Variants in SPAG5 observed in about 807,000 individuals in gnomAD.
The protein encoded by SPAG5 is sperm-associated antigen 5.
Under a neutral mutation model 145.4 loss-of-function variants are expected in SPAG5, and 99 were observed. That is an observed-to-expected ratio of 0.68 (90% confidence interval 0.58 to 0.80). The LOEUF (loss-of-function observed/expected upper bound fraction) is 0.80, where lower values mean the gene tolerates loss of function less well. Among genes scored for constraint, SPAG5 ranks in the 30% least tolerant of loss-of-function variants. The pLI is 0.00. For synonymous variants in SPAG5, 477 were observed against 525.4 expected (o/e 0.91, Z 1.26); for missense variants, 1,192 against 1,416.0 (o/e 0.84, Z 2.54).
At chr17:28,595,621 C>T (rs533913415) in intron 2 of SPAG5, among the ~76,000 whole-genome samples, 9 of 151,502 alleles carry the variant, frequency 5.9e-5, no homozygotes, top group East Asian at 2.0e-4. Flanking sequence ...TGGTGGCACG[C>T]GCCTGTAATC....
At position 28,585,328 on chromosome 17, in the gene SPAG5, C is replaced by T; in HGVS notation, c.1944G>A (p.Met648Ile). Residue 648 changes from methionine (M) to isoleucine (I), a missense_variant, in exon 9 of 24, where the codon ATG becomes ATA. Transcript: ENST00000321765. ...TSTLQQDWRS[M>I]QLDYTTWTAL... ...GGTCCCAAATACTCACATCCAGTTG[C>T]ATGGACCTCCAGTCTTGTTGCAAGG... is the stretch of plus-strand genomic sequence containing the variant. 6.2e-7 allele frequency: 1 copy of T among 1,614,088 alleles called. No individual in the cohort carries two copies. Among genetic ancestry groups the T allele is most frequent in the South Asian group, 1.1e-5 (1 of 91,084 alleles).
intron 4 of SPAG5, among the ~76,000 whole-genome samples, chr17:28,589,719 G>A (rs1157246339): frequency 6.6e-6 from 1 of 152,056 alleles, no homozygotes; most frequent in Non-Finnish European, 1.5e-5. Context: ...AGAACAGCCT[G>A]GCCAACATAG....
chr17:28,594,324 A>C (rs868787546), intron 2 of SPAG5, among the ~76,000 whole-genome samples: 3 of 152,236 alleles, frequency 2.0e-5, no homozygotes, highest in South Asian at 2.1e-4. Context: ...GACCGGGCGC[A>C]GTGGCTCACG....
intron 2 of SPAG5, among the ~76,000 whole-genome samples, chr17:28,595,129 G>A (rs2070653229): frequency 1.3e-5 from 2 of 151,262 alleles, no homozygotes; most frequent in African/African-American, 4.9e-5. Flanking sequence ...ATGGTGGCGG[G>A]TGCCTGTAGT....
rs1287567584 is a variant in SPAG5, at chr17:28,598,530, G to C, written c.157C>G (p.Leu53Val). The change falls in exon 2 of 24, where the codon CTG (leucine) becomes GTG (valine). Residue 53 changes from leucine (L) to valine (V), a missense_variant. Coordinates refer to ENST00000321765, the MANE Select transcript of SPAG5 (RefSeq NM_006461.4). ...SPACSSLTPS[L>V]CKLGLQEGSN... ...CTCACCTGCAGCCCCAGCTTGCACA[G>C]TGATGGGGTCAGCGAGGAGCAAGCG... The C allele has an allele frequency of 6.2e-7, 1 of 1,613,910 alleles. No homozygotes were observed. Among genetic ancestry groups the C allele is most frequent in the South Asian group, 1.1e-5 (1 of 91,054 alleles).
At position 28,584,323 on chromosome 17, in the gene SPAG5, A is replaced by G; in HGVS notation, c.2309+10T>C. 1 of 1,614,136 alleles carries G rather than the reference A, an allele frequency of 6.2e-7. No individual in the cohort carries two copies. Among genetic ancestry groups the G allele is most frequent in the Non-Finnish European group, 8.5e-7 (1 of 1,180,038 alleles). On this transcript the variant is annotated intron_variant, in intron 12 of 23. Coordinates refer to ENST00000321765, the MANE Select transcript of SPAG5 (RefSeq NM_006461.4). The stretch of plus-strand genomic sequence containing the variant: ...ATGCCTACTGCCACAGTACCCCGTT[A>G]GGAACTCACTGAGCAGCCTGCTCCT...
rs370864353 is a variant in SPAG5 at position 28,592,389 on chromosome 17, A to C, written c.855T>G (p.His285Gln). 9 of 1,613,918 alleles carry C rather than the reference A, an allele frequency of 5.6e-6. No homozygotes were observed. Among genetic ancestry groups the C allele is most frequent in the Non-Finnish European group, 7.6e-6 (9 of 1,180,016 alleles). Residue 285 changes from histidine to glutamine, a missense_variant, in exon 3 of 24, where the codon CAT (histidine) becomes CAG (glutamine). Physicochemically the swap from His to Gln is conservative, Grantham distance 24 (BLOSUM62 0). This residue lies in a region of SPAG5 where 329 missense variants were observed against 354.0 expected (regional missense o/e 0.93). Transcript: ENST00000321765. Reference protein sequence around the residue: ...MEEREMRFPTHPKESETEDQA... With the variant: ...MEEREMRFPTQPKESETEDQA... ...GATCTTCTGTTTCAGACTCCTTAGG[A>C]TGTGTGGGAAACCTCATTTCTCTTT...
Position 28,577,664 on chromosome 17 carries a change from A to G in SPAG5, c.*35T>C. Reference sequence around the variant, plus strand: ...ATTGGGGTAAGGGGGTATTGCAGGTAAAAAGAGGTGAAGCAGATTCTGGCT... The same window carrying G: ...ATTGGGGTAAGGGGGTATTGCAGGTGAAAAGAGGTGAAGCAGATTCTGGCT... On this transcript the variant is annotated 3_prime_UTR_variant, in exon 24 of 24. Transcript: ENST00000321765. The G allele has an allele frequency of 6.5e-7, 1 of 1,532,770 alleles. No homozygotes were observed. Among genetic ancestry groups the G allele is most frequent in the Non-Finnish European group, 9.0e-7 (1 of 1,106,110 alleles). The allele number at this position is 1,532,770 out of a possible 1,614,324, so 94.9% of individuals were successfully genotyped here.
intron 20 of SPAG5, 51 bp from the exon 21 acceptor site, chr17:28,578,579 T>C (rs1306333602): frequency 6.2e-7 from 1 of 1,609,868 alleles, no homozygotes; most frequent in Admixed American, 1.7e-5. Flanking sequence ...ATAGACAACA[T>C]GTGGTGAACA....
Position 28,592,118 on chromosome 17 carries a change from T to C in SPAG5, c.1126A>G (p.Thr376Ala), listed in dbSNP as rs751445791. Residue 376 changes from threonine to alanine, a missense_variant, in exon 3 of 24, where the codon ACT (threonine) becomes GCT (alanine). Thr to Ala is a moderately conservative substitution (Grantham distance 58). Coordinates refer to ENST00000321765, the MANE Select transcript of SPAG5 (RefSeq NM_006461.4). ...PSMLRDAAIG[T>A]TPFSTCSVGT... Reference sequence around the variant, plus strand: ...ACCGAGCAAGTAGAGAAAGGGGTAGTGCCAATTGCAGCATCCCGAAGCATC... The same window carrying C: ...ACCGAGCAAGTAGAGAAAGGGGTAGCGCCAATTGCAGCATCCCGAAGCATC... The C allele has an allele frequency of 6.2e-7, 1 of 1,614,112 alleles. No individual in the cohort carries two copies. The highest frequency in any genetic ancestry group is 1.1e-5 in the South Asian group (1 of 91,066).
At chr17:28,582,124 A>G (rs1351953441) in intron 15 of SPAG5, among the ~76,000 whole-genome samples, 2 of 152,106 alleles carry the variant, frequency 1.3e-5, no homozygotes, top group South Asian at 4.2e-4. Flanking sequence ...AAGCCTTCAA[A>G]ATCTGGCCTC....
chr17:28,587,717 CAA>C (rs765826333), intron 4 of SPAG5, among the ~76,000 whole-genome samples: 32 of 48,868 alleles, frequency 6.5e-4, no homozygotes, highest in East Asian at 2.3e-3. Context: ...GACCTCGTCT[CAA>C]AAAAAAAAAA....
At position 28,583,651 on chromosome 17, in the gene SPAG5, T is replaced by C. The variant is rs2070563489; in HGVS notation, c.2547-2A>G. 6.3e-7 allele frequency: 1 copy of C among 1,597,236 alleles called. No individual in the cohort carries two copies. The highest frequency in any genetic ancestry group is 8.5e-7 in the Non-Finnish European group (1 of 1,174,566). ...GCTATGGTGCTGGCCAGTTTAGCCC[T>C]GAAATAAGGAACAGGGAAGATGACC... On this transcript the variant is annotated splice_acceptor_variant, in intron 14 of 23. Transcript: ENST00000321765. LOFTEE classifies it high-confidence loss of function.
In SPAG5 at chr17:28,583,913, T is replaced by G; in HGVS notation, c.2486A>C (p.Glu829Ala). 6.2e-7 allele frequency: 1 copy of G among 1,614,158 alleles called. No individual in the cohort carries two copies. The highest frequency in any genetic ancestry group is 1.1e-5 in the South Asian group (1 of 91,086). ...CTGCAAGCTGCGCTCCCGGAGCACT[T>G]CCAGTGTGGTTTTCAATTGACACTC... ...QVECQLKTTL[E>A]VLRERSLQCE... is the part of the protein sequence containing the mutation. The change falls in exon 14 of 24, where the codon GAA becomes GCA. Residue 829 changes from glutamate to alanine, a missense_variant. By Grantham distance (107) the Glu-to-Ala change is moderately radical (BLOSUM62 -1). Transcript: ENST00000321765.
intron 5 of SPAG5, 58 bp from the exon 6 acceptor site, chr17:28,586,240 G>A: frequency 1.4e-6 from 2 of 1,459,152 alleles, no homozygotes; most frequent in East Asian, 4.5e-5. Flanking sequence ...AGGAAACAGG[G>A]GCACTGGGGA....
rs2151524921 is a variant in SPAG5 at position 28,598,810 on chromosome 17, C to G, written c.51+86G>C. On this transcript the variant is annotated intron_variant, in intron 1 of 23. Transcript: ENST00000321765. ...CACAAGCCCCCAACCCCGGGCTCGA[C>G]CCAACTTTCCAGGACAGTAGACACG... The G allele has an allele frequency of 1.2e-5, 18 of 1,562,504 alleles. No individual in the cohort carries two copies. In the South Asian group the frequency reaches 2.0e-4, roughly 17 times the overall value.
chr17:28,592,382 C>A lies in SPAG5; in HGVS notation c.862G>T (p.Glu288Ter). ...REMRFPTHPKESETEDQALVS... is the reference protein window; with the variant it reads ...REMRFPTHPK Reference sequence around the variant, plus strand: ...AGTGCTTGATCTTCTGTTTCAGACTCCTTAGGATGTGTGGGAAACCTCATT... The same window carrying A: ...AGTGCTTGATCTTCTGTTTCAGACTACTTAGGATGTGTGGGAAACCTCATT... The change falls in exon 3 of 24, where the codon GAG becomes TAG. Residue 288 changes from glutamate to a stop codon, truncating the protein, a stop_gained. Coordinates refer to ENST00000321765, the MANE Select transcript of SPAG5 (RefSeq NM_006461.4). LOFTEE classifies it high-confidence loss of function. 6.2e-7 allele frequency: 1 copy of A among 1,614,160 alleles called. No individual in the cohort carries two copies.
At chr17:28,578,973 A>G (rs2070528910) in intron 19 of SPAG5, among the ~76,000 whole-genome samples, 168 bp downstream of exon 19, 1 of 152,188 alleles carries the variant, frequency 6.6e-6, no homozygotes, top group African/African-American at 2.4e-5. Context: ...CTGGGAAGAC[A>G]GGTCAGCCCA....
rs2070563412 is a variant in SPAG5, at chr17:28,583,645, T to A, written c.2551A>T (p.Lys851Ter). The A allele has an allele frequency of 6.2e-7, 1 of 1,600,046 alleles. No homozygotes were observed. Among genetic ancestry groups the A allele is most frequent in the Non-Finnish European group, 8.5e-7 (1 of 1,175,854 alleles). The change falls in exon 15 of 24, where the codon AAA (lysine) becomes TAA (stop). Residue 851 changes from lysine to a stop codon, truncating the protein, a stop_gained. Coordinates refer to ENST00000321765, the MANE Select transcript of SPAG5 (RefSeq NM_006461.4). LOFTEE classifies it high-confidence loss of function. The part of the protein sequence containing the change: ...LKDTVENLTA[K>*]LASTIADNQE... The stretch of plus-strand genomic sequence containing the variant: ...TTATCTGCTATGGTGCTGGCCAGTT[T>A]AGCCCTGAAATAAGGAACAGGGAAG...
Sources: allele counts gnomAD v4.1 joint callset (sites outside exome capture counted in the v4.1 genomes callset), GRCh38; gene constraint gnomAD v4.1.1; regional missense constraint gnomAD v4.1.1; transcripts MANE v1.5; gene names NCBI Gene and HGNC (gene_info 2026-07-23, HGNC 2026-07-21).